THRB: variants seen among roughly 807,000 people sequenced by gnomAD.
The protein encoded by THRB is thyroid hormone receptor beta.
In THRB, 12 loss-of-function variants were observed where a neutral mutation model predicts 47.8. The ratio of observed to expected loss-of-function variants is 0.25; its 90% CI spans 0.16 to 0.41. THRB has a LOEUF of 0.41. Ranked by LOEUF, THRB falls within the 10% of genes least tolerant of loss-of-function variation. THRB has a pLI of 1.00. For synonymous variants in THRB, 218 were observed against 212.2 expected (o/e 1.03, Z -0.24); for missense variants, 348 against 589.2 (o/e 0.59, Z 4.24).
At chr3:24,233,388 C>T (rs2048439878) in intron 3 of THRB, among the ~76,000 whole-genome samples, 1 of 151,010 alleles carries the variant, frequency 6.6e-6, no homozygotes, top group South Asian at 2.1e-4. Flanking sequence ...CTTGGGAGGC[C>T]AAGGTGGGAA....
intron 1 of THRB, among the ~76,000 whole-genome samples, chr3:24,342,181 C>T (rs937369252): frequency 6.7e-6 from 1 of 148,820 alleles, no homozygotes; most frequent in African/African-American, 2.5e-5. Context: ...GAGAGAGATG[C>T]CTACATAGAA....
intron 5 of THRB, among the ~76,000 whole-genome samples, chr3:24,157,143 G>A (rs2037982063): frequency 6.6e-6 from 1 of 152,094 alleles, no homozygotes; most frequent in South Asian, 2.1e-4. Flanking sequence ...ATTATTAGCA[G>A]AGCTGCCCCA....
chr3:24,123,830 G>A (rs1007634693), intron 10 of THRB, among the ~76,000 whole-genome samples: 13 of 152,124 alleles, frequency 8.5e-5, no homozygotes, highest in Admixed American at 4.6e-4. Flanking sequence ...AGAAGACACC[G>A]GGACCCTGGA....
intron 3 of THRB, among the ~76,000 whole-genome samples, chr3:24,270,716 C>G (rs1323167541): frequency 6.6e-6 from 1 of 152,218 alleles, no homozygotes; most frequent in East Asian, 1.9e-4. Flanking sequence ...AGAGTGAATT[C>G]TAGCCTAACT....
At chr3:24,199,063 T>C (rs758543301) in intron 4 of THRB, among the ~76,000 whole-genome samples, 1 of 152,206 alleles carries the variant, frequency 6.6e-6, no homozygotes, top group Non-Finnish European at 1.5e-5. Flanking sequence ...CTCCATAAAT[T>C]AAAATTACTA....
At chr3:24,460,662 T>C (rs1457920006) in intron 1 of THRB, among the ~76,000 whole-genome samples, 2 of 152,218 alleles carry the variant, frequency 1.3e-5, no homozygotes, top group Non-Finnish European at 2.9e-5. Context: ...GCTGTAGTTA[T>C]GACTGAGTGT....
At chr3:24,442,740 C>G (rs1035768915) in intron 1 of THRB, among the ~76,000 whole-genome samples, 1 of 151,586 alleles carries the variant, frequency 6.6e-6, no homozygotes, top group Non-Finnish European at 1.5e-5. Context: ...AGGAGAATTG[C>G]TTGAACCTGG....
chr3:24,313,924 C>T (rs1040108119), intron 2 of THRB, among the ~76,000 whole-genome samples: 2 of 152,108 alleles, frequency 1.3e-5, no homozygotes, highest in African/African-American at 4.8e-5. Context: ...AGCTAGAATG[C>T]TGTCTATAAT....
chr3:24,147,552 C>T (rs2036254369), intron 6 of THRB, among the ~76,000 whole-genome samples: 2 of 152,198 alleles, frequency 1.3e-5, no homozygotes, highest in Admixed American at 1.3e-4. Context: ...TTTCTTAAGG[C>T]ATGAGAGAGC....
chr3:24,477,497 C>G (rs1208222569), intron 1 of THRB, among the ~76,000 whole-genome samples: 1 of 152,206 alleles, frequency 6.6e-6, no homozygotes, highest in East Asian at 1.9e-4. Flanking sequence ...TGGGCTGGAG[C>G]TCTAGATTCT....
At chr3:24,269,403 G>GCGCACA (rs1175063428) in intron 3 of THRB, among the ~76,000 whole-genome samples, 43 of 72,672 alleles carry the variant, frequency 5.9e-4, no homozygotes, top group East Asian at 2.7e-3. Context: ...GCGCGCGCGC[G>GCGCACA]CACACACACA....
At chr3:24,290,850 AC>A (rs2055849632) in intron 3 of THRB, among the ~76,000 whole-genome samples, 1 of 152,194 alleles carries the variant, frequency 6.6e-6, no homozygotes, top group Non-Finnish European at 1.5e-5. Context: ...GAAATAAAAT[AC>A]CTTAAAATAA....
chr3:24,357,579 T>C (rs1416989323), intron 1 of THRB, among the ~76,000 whole-genome samples: 1 of 152,028 alleles, frequency 6.6e-6, no homozygotes, highest in African/African-American at 2.4e-5. Flanking sequence ...CTATGTATTC[T>C]TTTTTTCATA....
intron 5 of THRB, among the ~76,000 whole-genome samples, chr3:24,180,689 G>A (rs1394098231): frequency 6.6e-6 from 1 of 152,178 alleles, no homozygotes; most frequent in East Asian, 1.9e-4. Flanking sequence ...GGCTGAACTG[G>A]CCAAGACCTG....
intron 1 of THRB, among the ~76,000 whole-genome samples, chr3:24,491,668 T>C (rs1698161041): frequency 6.6e-6 from 1 of 152,208 alleles, no homozygotes; most frequent in African/African-American, 2.4e-5. Context: ...TGTACCACCA[T>C]GCACTGGTTG....
At chr3:24,278,916 C>T (rs1373438907) in intron 3 of THRB, among the ~76,000 whole-genome samples, 2 of 152,082 alleles carry the variant, frequency 1.3e-5, no homozygotes, top group African/African-American at 2.4e-5. Flanking sequence ...GCTATGTTAG[C>T]TCACTGCAGC....
chr3:24,188,858 A>AATATATATATATAT (rs34740399), intron 5 of THRB, among the ~76,000 whole-genome samples: 3,831 of 93,888 alleles, frequency 0.041, 237 homozygotes, highest in Non-Finnish European at 0.052. Context: ...GATCTCCTCA[A>AATATATATATATAT]ATATATATAT....
Position 24,127,743 on chromosome 3 carries a change from GT to G in THRB, c.899del (p.Asp300AlafsTer29), listed in dbSNP as rs2033137772. On this transcript the variant is annotated frameshift_variant, in exon 10 of 11. Coordinates refer to ENST00000646209, the MANE Select transcript of THRB (RefSeq NM_001354712.2). LOFTEE classifies it high-confidence loss of function. The part of the protein sequence containing the change: ...LPMFCELPCE[D>X]QIILLKGCCM... ...AGCAGCCTTTGAGGAGGATGATCTG[GT>G]CTTCACATGGCAGCTGAAAAGAACC... 1 of 1,614,098 alleles carries G rather than the reference GT, an allele frequency of 6.2e-7. No individual in the cohort carries two copies.
intron 5 of THRB, among the ~76,000 whole-genome samples, chr3:24,164,567 T>C (rs1325717878): frequency 2.6e-5 from 4 of 152,174 alleles, no homozygotes; most frequent in Admixed American, 2.6e-4. Flanking sequence ...AAGAAATCAC[T>C]AAATCACTAA....
Sources: gnomAD v4.1 joint callset for allele counts (sites outside exome capture counted in the v4.1 genomes callset) on GRCh38, gnomAD v4.1.1 for gene constraint, MANE v1.5 for transcripts, NCBI Gene and HGNC (gene_info 2026-07-23, HGNC 2026-07-21) for gene names.